Variants in PAX3 observed in about 807,000 individuals in gnomAD.
PAX3 encodes the protein paired box 3, also known as paired box protein Pax-3.
A neutral mutation model predicts 51.6 loss-of-function variants in PAX3; 14 were observed. The observed-to-expected ratio is 0.27, with a 90% CI of 0.18 to 0.42. The LOEUF is 0.42. Among genes scored for constraint, PAX3 ranks in the 10% least tolerant of loss-of-function variants. The probability of loss-of-function intolerance (pLI) is 1.00; values close to 1 mark genes in which losing one functional copy is unlikely to be tolerated. For missense variants in PAX3, 540 were observed against 642.8 expected (o/e 0.84, Z 1.73); for synonymous variants, 280 against 253.4 (o/e 1.11, Z -1.00).
chr2:222,263,109 A>G (rs1693926641), intron 4 of PAX3: 2 of 152,338 alleles, frequency 1.3e-5, no homozygotes, highest in South Asian at 4.1e-4. Context: ...AAAAATTGAC[A>G]AATTGGACTT....
intron 1 of PAX3, among the ~76,000 whole-genome samples, chr2:222,297,656 T>C (rs774953693): frequency 1.3e-5 from 2 of 152,196 alleles, no homozygotes; most frequent in Admixed American, 6.6e-5. Flanking sequence ...GGCCAGCTGA[T>C]AGCCCTTGGG....
chr2:222,231,836 G>A (rs927409661), intron 5 of PAX3, among the ~76,000 whole-genome samples: 6 of 152,156 alleles, frequency 3.9e-5, no homozygotes, highest in Non-Finnish European at 8.8e-5. Context: ...ATATAGTGCT[G>A]GTGTACAATA....
chr2:222,236,552 T>G (rs1287060268), intron 4 of PAX3, among the ~76,000 whole-genome samples: 2 of 152,204 alleles, frequency 1.3e-5, no homozygotes, highest in Non-Finnish European at 2.9e-5. Flanking sequence ...TTCTAAATAT[T>G]ACACGGAAAG....
intron 1 of PAX3, 170 bp downstream of exon 1, chr2:222,298,361 G>C (rs904151681): frequency 1.6e-6 from 1 of 624,582 alleles, no homozygotes. Context: ...TCCATTTGCA[G>C]AAAGGAAATC....
In PAX3 at chr2:222,278,242, A is replaced by G. The variant is rs1220341092; in HGVS notation, c.586+15925T>C. 4.6e-5 allele frequency among the ~76,000 whole-genome samples: 7 copies of G among 152,204 alleles called. No individual in the cohort carries two copies. The South Asian group carries it at 1.5e-3, about 32-fold the overall frequency. ...AGAGTCTGAAGACTGAGAGTCTAGG[A>G]ATCTCTGGAGATTTAAGCCTCTGGC... On this transcript the variant is annotated intron_variant, in intron 4 of 8. Transcript: ENST00000392070.
At chr2:222,289,303 T>C (rs528632380) in intron 4 of PAX3, among the ~76,000 whole-genome samples, 73 of 152,350 alleles carry the variant, frequency 4.8e-4, no homozygotes, top group Non-Finnish European at 8.1e-4. Flanking sequence ...CATCTACTTA[T>C]GTACAACTTA....
At chr2:222,280,718 C>T (rs957302808) in intron 4 of PAX3, among the ~76,000 whole-genome samples, 1 of 152,142 alleles carries the variant, frequency 6.6e-6, no homozygotes, top group East Asian at 1.9e-4. Context: ...GGAGCCAAGG[C>T]CCTAAAAGTT....
intron 4 of PAX3, among the ~76,000 whole-genome samples, chr2:222,258,291 CA>C (rs58710253): frequency 0.096 from 14,567 of 152,152 alleles, 916 homozygotes; most frequent in East Asian, 0.33. Context: ...ATATTTACCT[CA>C]TAGCATTTCT....
Position 222,211,811 on chromosome 2 carries a change from C to T in PAX3, c.1173+8329G>A, listed in dbSNP as rs1223750758. ...TTTCATACCTCAAGACTTGTCAGGG[C>T]CTTTAGTAGGCTAATGTGCACTCGT... is the stretch of plus-strand genomic sequence containing the variant. On this transcript the variant is annotated intron_variant, in intron 7 of 8. Coordinates refer to ENST00000392070, the MANE Select transcript of PAX3 (RefSeq NM_181458.4). 3.3e-5 allele frequency among the ~76,000 whole-genome samples: 5 copies of T among 152,108 alleles called. 1 individual carries two copies. The highest frequency in any genetic ancestry group is 3.3e-4 in the Admixed American group (5 of 15,262).
chr2:222,234,752 C>T (rs531512743), intron 4 of PAX3, among the ~76,000 whole-genome samples: 117 of 152,306 alleles, frequency 7.7e-4, no homozygotes, highest in African/African-American at 2.4e-3. Context: ...ATTTTCAACT[C>T]TGTAAAATAC....
chr2:222,288,918 G>A (rs1694928906), intron 4 of PAX3, among the ~76,000 whole-genome samples: 1 of 152,176 alleles, frequency 6.6e-6, no homozygotes, highest in Non-Finnish European at 1.5e-5. Context: ...CCTCACAATG[G>A]AAGATGACCA....
chr2:222,258,864 T>C (rs561861157), intron 4 of PAX3, among the ~76,000 whole-genome samples: 5 of 152,320 alleles, frequency 3.3e-5, no homozygotes, highest in South Asian at 2.1e-4. Flanking sequence ...ACAAAAAGTC[T>C]CTTATTGGTG....
chr2:222,249,608 A>C (rs891263015), intron 4 of PAX3, among the ~76,000 whole-genome samples: 2 of 152,214 alleles, frequency 1.3e-5, no homozygotes, highest in African/African-American at 4.8e-5. Context: ...TTAAGAACAC[A>C]AAACTAGCTT....
intron 7 of PAX3, among the ~76,000 whole-genome samples, chr2:222,210,201 T>A (rs1481221546): frequency 1.3e-5 from 2 of 152,230 alleles, no homozygotes; most frequent in Non-Finnish European, 2.9e-5. Flanking sequence ...AAACTAATTC[T>A]GTTCCTGCAG....
intron 4 of PAX3, among the ~76,000 whole-genome samples, chr2:222,272,073 C>T (rs1200402440): frequency 6.6e-6 from 1 of 152,170 alleles, no homozygotes; most frequent in Non-Finnish European, 1.5e-5. Flanking sequence ...ACCATCCTAC[C>T]AGACAACATT....
chr2:222,225,681 G>A (rs1692357109), intron 5 of PAX3, among the ~76,000 whole-genome samples: 1 of 152,142 alleles, frequency 6.6e-6, no homozygotes, highest in Admixed American at 6.6e-5. Flanking sequence ...GTGCTAAACG[G>A]GGAATATAAA....
chr2:222,253,873 C>T (rs569917954), intron 4 of PAX3, among the ~76,000 whole-genome samples: 39 of 152,160 alleles, frequency 2.6e-4, no homozygotes, highest in Middle Eastern at 3.4e-3. Flanking sequence ...CAGCCTGTTG[C>T]CAAACTCCTG....
At chr2:222,295,288 G>T (rs1695234490) in intron 3 of PAX3, among the ~76,000 whole-genome samples, 1 of 152,216 alleles carries the variant, frequency 6.6e-6, no homozygotes, top group South Asian at 2.1e-4. Context: ...CTCCTCGACA[G>T]AAATCTTCTT....
chr2:222,294,044 G>A lies in PAX3; in HGVS notation c.586+123C>T, dbSNP rs1695150731. On this transcript the variant is annotated intron_variant, in intron 4 of 8. Transcript: ENST00000392070. ...TTCCATGTCGTTACTCAGGCGCAGA[G>A]ACACCGCGCATGAAGGGACCTTGAT... 1.8e-5 allele frequency: 29 copies of A among 1,567,962 alleles called. No homozygotes were observed. The South Asian group carries it at 3.4e-4, about 18-fold the overall frequency.
Sources: allele counts gnomAD v4.1 joint callset (sites outside exome capture counted in the v4.1 genomes callset), GRCh38; gene constraint gnomAD v4.1.1; transcripts MANE v1.5; gene names NCBI Gene and HGNC (gene_info 2026-07-23, HGNC 2026-07-21).